NAALADL2: variants seen among roughly 807,000 people sequenced by gnomAD.
NAALADL2 encodes N-acetylated alpha-linked acidic dipeptidase like 2.
A neutral mutation model predicts 87.2 loss-of-function variants in NAALADL2; 76 were observed. The observed-to-expected ratio is 0.87, with a 90% CI of 0.72 to 1.05. NAALADL2 has a LOEUF of 1.05. NAALADL2 is among the 50% of genes least tolerant of loss of function. The probability of loss-of-function intolerance (pLI) is 0.00; values close to 1 mark genes in which losing one functional copy is unlikely to be tolerated. For missense variants in NAALADL2, 1,089 were observed against 945.8 expected, an observed-to-expected ratio of 1.15 and a Z score of -1.99; for synonymous variants, 354 against 331.0, an observed-to-expected ratio of 1.07 and a Z score of -0.75.
intron 1 of NAALADL2, among the ~76,000 whole-genome samples, chr3:174,866,297 T>C (rs888370876): frequency 1.2e-4 from 18 of 151,870 alleles, no homozygotes; most frequent in South Asian, 2.1e-4. Flanking sequence ...ATAACTCATA[T>C]AAGAATATTG....
At chr3:175,065,002 TTACA>T (rs1173979861) in intron 1 of NAALADL2, among the ~76,000 whole-genome samples, 3 of 151,960 alleles carry the variant, frequency 2.0e-5, no homozygotes, top group African/African-American at 7.3e-5. Context: ...TTTTCGACAA[TTACA>T]TATATTAATA....
At chr3:175,727,070 C>T (rs1359497977) in intron 11 of NAALADL2, among the ~76,000 whole-genome samples, 1 of 152,088 alleles carries the variant, frequency 6.6e-6, no homozygotes, top group African/African-American at 2.4e-5. Flanking sequence ...TTTATGTCTT[C>T]TTTCTTTGCT....
intron 2 of NAALADL2, among the ~76,000 whole-genome samples, chr3:174,640,645 C>T (rs1397472711): frequency 6.6e-6 from 1 of 152,174 alleles, no homozygotes; most frequent in African/African-American, 2.4e-5. Flanking sequence ...TTGGATAGAG[C>T]CAATCTGGCC....
At chr3:174,983,072 A>G (rs931924527) in intron 1 of NAALADL2, among the ~76,000 whole-genome samples, 8 of 152,176 alleles carry the variant, frequency 5.3e-5, no homozygotes, top group African/African-American at 1.9e-4. Context: ...TGCTGGGATT[A>G]CAGGCGTGAG....
chr3:175,726,023 A>G (rs1742869470), intron 11 of NAALADL2, among the ~76,000 whole-genome samples: 2 of 152,160 alleles, frequency 1.3e-5, no homozygotes, highest in African/African-American at 4.8e-5. Flanking sequence ...TTCATTTTCT[A>G]GAACACTAAG....
At chr3:174,486,237 A>T (rs1035533147) in intron 1 of NAALADL2, among the ~76,000 whole-genome samples, 12 of 152,040 alleles carry the variant, frequency 7.9e-5, no homozygotes, top group African/African-American at 2.9e-4. Flanking sequence ...CTGGTTAAAT[A>T]GTTTCTCCTA....
chr3:175,543,843 C>A (rs572169064), intron 9 of NAALADL2, among the ~76,000 whole-genome samples: 1 of 152,026 alleles, frequency 6.6e-6, no homozygotes, highest in East Asian at 1.9e-4. Flanking sequence ...AGAGAACTTA[C>A]ATTAATAAGG....
intron 11 of NAALADL2, among the ~76,000 whole-genome samples, chr3:175,708,420 C>G (rs1264408713): frequency 6.6e-6 from 1 of 151,850 alleles, no homozygotes; most frequent in African/African-American, 2.4e-5. Context: ...AGAGTAGTGG[C>G]AGAAGAAACT....
intron 5 of NAALADL2, among the ~76,000 whole-genome samples, chr3:175,376,495 G>A (rs1767144237): frequency 6.6e-6 from 1 of 151,714 alleles, no homozygotes; most frequent in African/African-American, 2.4e-5. Context: ...CTCTATCTTT[G>A]TTTTCCTGTA....
At chr3:174,815,520 C>T (rs977896709) in intron 3 of NAALADL2, among the ~76,000 whole-genome samples, 1 of 152,162 alleles carries the variant, frequency 6.6e-6, no homozygotes, top group African/African-American at 2.4e-5. Flanking sequence ...CCTCGAACTG[C>T]TGTGTTTAAG....
intron 1 of NAALADL2, among the ~76,000 whole-genome samples, chr3:174,514,865 C>T (rs1212521280): frequency 6.6e-6 from 1 of 152,002 alleles, no homozygotes; most frequent in Non-Finnish European, 1.5e-5. Flanking sequence ...ACTTTTATGT[C>T]ACCATTAGTA....
intron 2 of NAALADL2, among the ~76,000 whole-genome samples, chr3:174,649,918 C>T (rs693471): frequency 0.38 from 57,889 of 151,872 alleles, 12,578 homozygotes; most frequent in African/African-American, 0.6. Context: ...ATCTATCTTA[C>T]ATACAACAAA....
At chr3:175,446,968 T>A (rs981127340) in intron 5 of NAALADL2, among the ~76,000 whole-genome samples, 1 of 152,130 alleles carries the variant, frequency 6.6e-6, no homozygotes, top group African/African-American at 2.4e-5. Flanking sequence ...TTTAGTGGAG[T>A]TTTATGGGAC....
At chr3:175,113,707 A>G (rs1027134190) in intron 2 of NAALADL2, among the ~76,000 whole-genome samples, 1 of 151,580 alleles carries the variant, frequency 6.6e-6, no homozygotes, top group Non-Finnish European at 1.5e-5. Flanking sequence ...GACCCTGAAC[A>G]TGCAGTGGTT....
chr3:175,304,892 A>G (rs536557899), intron 4 of NAALADL2, among the ~76,000 whole-genome samples: 36 of 152,108 alleles, frequency 2.4e-4, no homozygotes, highest in African/African-American at 8.0e-4. Flanking sequence ...TTCCTTTATC[A>G]TACTTAATTT....
At chr3:174,871,017 G>A (rs566852105) in intron 1 of NAALADL2, among the ~76,000 whole-genome samples, 1 of 152,022 alleles carries the variant, frequency 6.6e-6, no homozygotes, top group Non-Finnish European at 1.5e-5. Context: ...TTTATTGAAG[G>A]TGATAAAGCT....
At chr3:175,310,357 T>C (rs1758212551) in intron 4 of NAALADL2, among the ~76,000 whole-genome samples, 1 of 151,980 alleles carries the variant, frequency 6.6e-6, no homozygotes, top group South Asian at 2.1e-4. Flanking sequence ...ATAAGAAAAT[T>C]GGAAGCTCCA....
At chr3:175,116,090 A>G (rs965329871) in intron 2 of NAALADL2, among the ~76,000 whole-genome samples, 10 of 152,138 alleles carry the variant, frequency 6.6e-5, no homozygotes, top group African/African-American at 2.2e-4. Context: ...TCTCAAACTA[A>G]TAAGAGCTAG....
intron 2 of NAALADL2, among the ~76,000 whole-genome samples, chr3:175,102,936 G>C (rs1040681286): frequency 4.6e-5 from 7 of 151,694 alleles, no homozygotes; most frequent in African/African-American, 1.7e-4. Flanking sequence ...GGTGAAACCC[G>C]GTCTCTATTA....
Sources: gnomAD v4.1 joint callset for allele counts (sites outside exome capture counted in the v4.1 genomes callset) on GRCh38, gnomAD v4.1.1 for gene constraint, MANE v1.5 for transcripts, NCBI Gene and HGNC (gene_info 2026-07-23, HGNC 2026-07-21) for gene names.